FARSB: variants seen among roughly 807,000 people sequenced by gnomAD.
FARSB encodes phenylalanine--tRNA ligase beta subunit.
In FARSB, 40 loss-of-function variants were observed where a neutral mutation model predicts 69.6. The ratio of observed to expected loss-of-function variants is 0.57; its 90% CI spans 0.45 to 0.75. FARSB has a LOEUF of 0.75. Among genes scored for constraint, FARSB ranks in the 30% least tolerant of loss-of-function variants. The probability of loss-of-function intolerance (pLI) is 0.00; values close to 1 mark genes in which losing one functional copy is unlikely to be tolerated. For synonymous variants in FARSB, 235 were observed against 247.2 expected, an observed-to-expected ratio of 0.95 and a Z score of 0.46; for missense variants, 632 against 722.9, an observed-to-expected ratio of 0.87 and a Z score of 1.44.
In FARSB at chr2:222,598,028, A is replaced by G. The variant is rs567215832; in HGVS notation, c.1618+1900T>C. On this transcript the variant is annotated intron_variant, in intron 16 of 16. Coordinates refer to ENST00000281828, the MANE Select transcript of FARSB (RefSeq NM_005687.5). ...CACTGTCTGCTGTGTTTCCAAACAT[A>G]CAGCCTGTGTTTCCTATCATTAGTT... Among the ~76,000 whole-genome samples the G allele has an allele frequency of 5.7e-4, 87 of 152,280 alleles. No homozygotes were observed. The South Asian group carries it at 0.017, about 29-fold the overall frequency.
intron 7 of FARSB, 53 bp downstream of exon 7, chr2:222,633,146 C>A: frequency 1.1e-6 from 1 of 898,486 alleles, no homozygotes; most frequent in East Asian, 2.4e-5. Context: ...TACAGAAATG[C>A]TGAAGATTAA....
rs1344334334 is a variant in FARSB, at chr2:222,639,564, A to C, written c.455+16T>G. 7.7e-7 allele frequency: 1 copy of C among 1,302,328 alleles called. No homozygotes were observed. Among genetic ancestry groups the C allele is most frequent in the South Asian group, 1.3e-5 (1 of 74,630 alleles). The allele number at this position is 1,302,328 out of a possible 1,614,324, so 80.7% of individuals were successfully genotyped here. A position where few individuals can be genotyped will look rare whatever the true frequency, so the allele number is the denominator to read the frequency against. On this transcript the variant is annotated intron_variant, in intron 5 of 16. Coordinates refer to ENST00000281828, the MANE Select transcript of FARSB (RefSeq NM_005687.5). ...GAAAGGGGAAGGCAAGGAAGAAAGAAAATGCAACCACAAACCTGCAAATAT... is the reference window on the plus strand; with the variant it reads ...GAAAGGGGAAGGCAAGGAAGAAAGACAATGCAACCACAAACCTGCAAATAT...
At chr2:222,655,270 C>T (rs1220537342) in intron 1 of FARSB, among the ~76,000 whole-genome samples, 1 of 151,844 alleles carries the variant, frequency 6.6e-6, no homozygotes, top group Non-Finnish European at 1.5e-5. Flanking sequence ...TTTAATATCT[C>T]CCTCCTTTTT....
intron 16 of FARSB, among the ~76,000 whole-genome samples, chr2:222,585,595 G>A (rs963934937): frequency 2.6e-5 from 4 of 152,208 alleles, no homozygotes; most frequent in South Asian, 2.1e-4. Context: ...GAGGATGCTC[G>A]AACACATCGC....
At chr2:222,644,605 A>T in intron 2 of FARSB, 1 of 432,760 alleles carries the variant, frequency 2.3e-6, no homozygotes, top group Non-Finnish European at 4.7e-6. Flanking sequence ...GGAGAAATGA[A>T]GGCATCTGCA....
intron 8 of FARSB, among the ~76,000 whole-genome samples, chr2:222,631,014 A>G (rs1350750319): frequency 6.6e-6 from 1 of 152,140 alleles, no homozygotes; most frequent in Non-Finnish European, 1.5e-5. Context: ...CTGCCACCTC[A>G]TTTAACATAT....
intron 1 of FARSB, among the ~76,000 whole-genome samples, chr2:222,651,385 C>T (rs1034522285): frequency 1.3e-5 from 2 of 152,310 alleles, no homozygotes; most frequent in Middle Eastern, 3.4e-3. Flanking sequence ...TTAAAAAATT[C>T]TCATCTTCTC....
At chr2:222,634,969 T>C (rs993324802) in intron 5 of FARSB, among the ~76,000 whole-genome samples, 1 of 152,224 alleles carries the variant, frequency 6.6e-6, no homozygotes, top group African/African-American at 2.4e-5. Flanking sequence ...GGCTTTTCTA[T>C]GTTTTCCTAA....
chr2:222,639,475 G>A, intron 5 of FARSB, 105 bp downstream of exon 5: 2 of 461,650 alleles, frequency 4.3e-6, no homozygotes, highest in Admixed American at 3.9e-5. Flanking sequence ...AGAGAAAGAA[G>A]GCAGAAGTGG....
At chr2:222,611,239 G>A (rs1042389113) in intron 15 of FARSB, among the ~76,000 whole-genome samples, 1 of 152,054 alleles carries the variant, frequency 6.6e-6, no homozygotes, top group African/African-American at 2.4e-5. Context: ...AGTAATACCA[G>A]AAATGAATCA....
chr2:222,634,176 C>T (rs936592933), intron 6 of FARSB, among the ~76,000 whole-genome samples: 1 of 152,104 alleles, frequency 6.6e-6, no homozygotes, highest in Non-Finnish European at 1.5e-5. Flanking sequence ...TAGCAGTACA[C>T]TGAAATCATA....
At chr2:222,581,629 A>T (rs1689971646) in intron 16 of FARSB, among the ~76,000 whole-genome samples, 1 of 152,252 alleles carries the variant, frequency 6.6e-6, no homozygotes, top group African/African-American at 2.4e-5. Context: ...CATAATAGAT[A>T]TGCTATTAGC....
rs566373424 is a variant in FARSB, at chr2:222,570,870, A to G, written c.*1001T>C. On this transcript the variant is annotated 3_prime_UTR_variant, in exon 17 of 17. Transcript: ENST00000281828. ...GGACTTTAAAGTATTATATTTTATC[A>G]TATTTCTTATTACTTCAATAGTACC... 1.2e-3 allele frequency: 188 copies of G among 152,216 alleles called. 1 individual carries two copies. Among genetic ancestry groups the G allele is most frequent in the African/African-American group, 4.3e-3 (180 of 41,550 alleles). 9.4% of individuals were successfully genotyped at this position (152,216 alleles called of 1,614,324 possible).
intron 13 of FARSB, among the ~76,000 whole-genome samples, chr2:222,620,045 G>C (rs1042690120): frequency 6.6e-6 from 1 of 152,070 alleles, no homozygotes; most frequent in African/African-American, 2.4e-5. Context: ...TTTTCACATG[G>C]AGATGGTATA....
chr2:222,629,511 C>T (rs1691364045), intron 9 of FARSB, among the ~76,000 whole-genome samples: 1 of 152,156 alleles, frequency 6.6e-6, no homozygotes, highest in African/African-American at 2.4e-5. Flanking sequence ...TATATATTCT[C>T]AAATCCAATG....
chr2:222,652,380 G>A (rs533843862), intron 1 of FARSB, among the ~76,000 whole-genome samples: 1 of 152,232 alleles, frequency 6.6e-6, no homozygotes, highest in South Asian at 2.1e-4. Flanking sequence ...CGGCCTCCTG[G>A]TATTCACACC....
chr2:222,646,836 T>C (rs1225001338), intron 2 of FARSB, among the ~76,000 whole-genome samples: 3 of 152,214 alleles, frequency 2.0e-5, no homozygotes, highest in Non-Finnish European at 2.9e-5. Flanking sequence ...CTGGTTTGTA[T>C]AGTTATGACT....
chr2:222,625,699 T>A (rs993238923), intron 10 of FARSB, among the ~76,000 whole-genome samples: 3 of 152,262 alleles, frequency 2.0e-5, no homozygotes, highest in Non-Finnish European at 4.4e-5. Context: ...ATAGTTACTA[T>A]GACCTAAACA....
In FARSB at chr2:222,634,381, G is replaced by T. The variant is rs755437732; in HGVS notation, c.606+10C>A. 10 of 1,534,334 alleles carry T rather than the reference G, an allele frequency of 6.5e-6. No individual in the cohort carries two copies. Among genetic ancestry groups the T allele is most frequent in the Admixed American group, 2.1e-5 (1 of 47,674 alleles). On this transcript the variant is annotated intron_variant, in intron 6 of 16. Transcript: ENST00000281828. The stretch of plus-strand genomic sequence containing the variant: ...TGCAAAGCTGCTGCATAATCAAAAA[G>T]AATATTTACCTTGTATATGTTCATC...
Sources: gnomAD v4.1 joint callset for allele counts (sites outside exome capture counted in the v4.1 genomes callset) on GRCh38, gnomAD v4.1.1 for gene constraint, MANE v1.5 for transcripts, NCBI Gene and HGNC (gene_info 2026-07-23, HGNC 2026-07-21) for gene names.